The following MDFIC variants were observed in gnomAD, a reference collection of about 807,000 sequenced individuals.
The protein encoded by MDFIC is myoD family inhibitor domain-containing protein.
Under a neutral mutation model 23.2 loss-of-function variants are expected in MDFIC, and 17 were observed. The observed-to-expected ratio is 0.73, with a 90% CI of 0.50 to 1.10. The LOEUF is 1.10. Among genes scored for constraint, MDFIC ranks in the 50% least tolerant of loss-of-function variants. The pLI is 0.00. For missense variants in MDFIC, 356 were observed against 316.6 expected (o/e 1.12, Z -0.95); for synonymous variants, 120 against 115.2 (o/e 1.04, Z -0.27).
intron 3 of MDFIC, among the ~76,000 whole-genome samples, chr7:114,975,466 G>C (rs1170666193): frequency 1.3e-5 from 2 of 152,026 alleles, no homozygotes; most frequent in Non-Finnish European, 2.9e-5. Flanking sequence ...AAGAAAGACA[G>C]CTGAATGAGA....
At chr7:114,931,079 C>G (rs867755210) in intron 2 of MDFIC, among the ~76,000 whole-genome samples, 2 of 151,942 alleles carry the variant, frequency 1.3e-5, no homozygotes, top group South Asian at 4.1e-4. Flanking sequence ...CTCCCTCTCT[C>G]TCTCTCTTTG....
At chr7:114,931,635 A>G (rs1792309907) in intron 2 of MDFIC, among the ~76,000 whole-genome samples, 1 of 152,218 alleles carries the variant, frequency 6.6e-6, no homozygotes, top group South Asian at 2.1e-4. Flanking sequence ...CAAGATTAAA[A>G]TAATAGCCAT....
At position 114,965,086 on chromosome 7, in the gene MDFIC, G is replaced by A. The variant is rs548581931; in HGVS notation, c.218-14420G>A. Among the ~76,000 whole-genome samples, 3 of 152,338 alleles carry A rather than the reference G, an allele frequency of 2.0e-5. No individual in the cohort carries two copies. In the South Asian group the frequency reaches 6.2e-4, roughly 32 times the overall value. On this transcript the variant is annotated intron_variant, in intron 3 of 4. Transcript: ENST00000393486. ...ACAAGGTTCCCAGCGGAACAATTTA[G>A]CAAAGGCAGATAGTAGATGACATTT... is the stretch of plus-strand genomic sequence containing the variant.
rs1791788787 is a variant in MDFIC, at chr7:115,016,049, C to G, written c.*114C>G. 1.9e-6 allele frequency: 2 copies of G among 1,080,622 alleles called. No individual in the cohort carries two copies. Among genetic ancestry groups the G allele is most frequent in the Non-Finnish European group, 2.7e-6 (2 of 754,440 alleles). The allele number at this position is 1,080,622 out of a possible 1,614,324, so 66.9% of individuals were successfully genotyped here. ...AACAACATGGAATTTGCACTGTTAA[C>G]TCATTATTGTAAGTAATCTCTGAAA... On this transcript the variant is annotated 3_prime_UTR_variant, in exon 5 of 5. Coordinates refer to ENST00000393486, the MANE Select transcript of MDFIC (RefSeq NM_001166345.3).
At chr7:114,972,062 C>T (rs1453740951) in intron 3 of MDFIC, among the ~76,000 whole-genome samples, 2 of 152,030 alleles carry the variant, frequency 1.3e-5, no homozygotes, top group Non-Finnish European at 2.9e-5. Context: ...GGCTGGGAAG[C>T]TAGGCCTCCC....
intron 4 of MDFIC, among the ~76,000 whole-genome samples, chr7:114,996,893 A>G (rs1791344273): frequency 6.6e-6 from 1 of 152,198 alleles, no homozygotes; most frequent in Non-Finnish European, 1.5e-5. Flanking sequence ...ATGCCACTGT[A>G]GAAAATGAAG....
chr7:114,980,691 T>C (rs1793402738), intron 4 of MDFIC, among the ~76,000 whole-genome samples: 1 of 152,250 alleles, frequency 6.6e-6, no homozygotes, highest in Non-Finnish European at 1.5e-5. Flanking sequence ...ATCTGTTATA[T>C]GTATCTGATA....
At chr7:114,979,084 T>G (rs186463674) in intron 3 of MDFIC, among the ~76,000 whole-genome samples, 2 of 152,312 alleles carry the variant, frequency 1.3e-5, no homozygotes, top group African/African-American at 2.4e-5. Flanking sequence ...TTTCCTTTTA[T>G]TTGAAAAGAC....
chr7:114,979,632 A>G lies in MDFIC; in HGVS notation c.344A>G (p.His115Arg). 1.2e-6 allele frequency: 2 copies of G among 1,614,060 alleles called. No homozygotes were observed. Among genetic ancestry groups the G allele is most frequent in the Non-Finnish European group, 1.7e-6 (2 of 1,179,996 alleles). ...AATGGAATTCACCACGGGGCCAAAC[A>G]CGGATCCGCAGATAATCGCAAACTT... Reference protein sequence around the residue: ...NGNGIHHGAKHGSADNRKLSA... With the variant: ...NGNGIHHGAKRGSADNRKLSA... The change falls in exon 4 of 5, where the codon CAC (histidine) becomes CGC (arginine). Residue 115 changes from histidine (H) to arginine (R), a missense_variant. His to Arg is a conservative substitution (Grantham distance 29, BLOSUM62 0). Transcript: ENST00000393486.
chr7:114,986,750 C>A (rs1585114438), intron 4 of MDFIC, among the ~76,000 whole-genome samples: 1 of 152,328 alleles, frequency 6.6e-6, no homozygotes, highest in East Asian at 1.9e-4. Context: ...TCTCCTGATG[C>A]CCCATTTTGG....
intron 3 of MDFIC, among the ~76,000 whole-genome samples, chr7:114,944,380 C>A (rs915227566): frequency 2.6e-5 from 4 of 152,158 alleles, no homozygotes; most frequent in Non-Finnish European, 5.9e-5. Context: ...AAATCTGACT[C>A]TGAATTTTGA....
intron 4 of MDFIC, among the ~76,000 whole-genome samples, chr7:115,009,508 G>A (rs2116125366): frequency 6.6e-6 from 1 of 152,256 alleles, no homozygotes; most frequent in South Asian, 2.1e-4. Context: ...GCCACATACT[G>A]ATCAGGTATC....
At chr7:114,985,632 A>ATC (rs1425715967) in intron 4 of MDFIC, among the ~76,000 whole-genome samples, 1 of 151,592 alleles carries the variant, frequency 6.6e-6, no homozygotes, top group African/African-American at 2.4e-5. Context: ...ATCCTCTCCC[A>ATC]TCTCTCACCA....
intron 2 of MDFIC, among the ~76,000 whole-genome samples, chr7:114,940,805 C>T (rs774299977): frequency 2.0e-5 from 3 of 152,294 alleles, no homozygotes; most frequent in Admixed American, 1.3e-4. Context: ...AAATTGGTCT[C>T]ATGATTTTTA....
chr7:115,001,940 G>A (rs1039797625), intron 4 of MDFIC, among the ~76,000 whole-genome samples: 3 of 152,018 alleles, frequency 2.0e-5, no homozygotes, highest in African/African-American at 7.2e-5. Context: ...AGTTTGAGCC[G>A]AGCCTGGCCA....
chr7:114,922,228 C>T lies in MDFIC; in HGVS notation c.-516C>T, dbSNP rs1356296874. 2 of 530,518 alleles carry T rather than the reference C, an allele frequency of 3.8e-6. No individual in the cohort carries two copies. Among genetic ancestry groups the T allele is most frequent in the African/African-American group, 2.0e-5 (1 of 50,894 alleles). The allele number at this position is 530,518 out of a possible 1,614,324, so 32.9% of individuals were successfully genotyped here. On this transcript the variant is annotated 5_prime_UTR_variant, in exon 1 of 5. Coordinates refer to ENST00000393486, the MANE Select transcript of MDFIC (RefSeq NM_001166345.3). ...TCGCGCGGCCGAGCCCGGGTCGCGCCGCTCCCAGCATCGGGGCCGCTAGCC... is the reference window on the plus strand; with the variant it reads ...TCGCGCGGCCGAGCCCGGGTCGCGCTGCTCCCAGCATCGGGGCCGCTAGCC...
chr7:114,967,728 C>T (rs1178098905), intron 3 of MDFIC, among the ~76,000 whole-genome samples: 15 of 151,860 alleles, frequency 9.9e-5, no homozygotes, highest in Non-Finnish European at 1.9e-4. Context: ...GCCAATGTTA[C>T]CTTGAGAGAT....
chr7:114,923,239 CGTAGTTGAGAACTTTT>C lies in MDFIC; in HGVS notation c.94+114_94+129del. The C allele has an allele frequency of 5.1e-6, 7 of 1,374,330 alleles. No individual in the cohort carries two copies. In the South Asian group the frequency reaches 6.4e-5, roughly 13 times the overall value. The allele number at this position is 1,374,330 out of a possible 1,614,324, so 85.1% of individuals were successfully genotyped here. A position where few individuals can be genotyped will look rare whatever the true frequency, so the allele number is the denominator to read the frequency against. On this transcript the variant is annotated intron_variant, in intron 2 of 4. Transcript: ENST00000393486. ...AGTGCTGTGAGGAGGGGCTCCCACT[CGTAGTTGAGAACTTTT>C]GCACAGTTCGCGTTACTCAGGCAAG...
chr7:114,982,039 G>T (rs904647616), intron 4 of MDFIC, among the ~76,000 whole-genome samples: 1 of 152,184 alleles, frequency 6.6e-6, no homozygotes, highest in African/African-American at 2.4e-5. Flanking sequence ...GGAATGAAGG[G>T]TTTGGATTAG....
Sources: allele counts gnomAD v4.1 joint callset (sites outside exome capture counted in the v4.1 genomes callset), GRCh38; gene constraint gnomAD v4.1.1; transcripts MANE v1.5; gene names NCBI Gene and HGNC (gene_info 2026-07-23, HGNC 2026-07-21).